ZFHX3: variants seen among roughly 807,000 people sequenced by gnomAD.
ZFHX3 encodes the protein zinc finger homeobox 3.
A neutral mutation model predicts 279.1 loss-of-function variants in ZFHX3; 42 were observed. The ratio of observed to expected loss-of-function variants is 0.15; its 90% CI spans 0.12 to 0.19. The LOEUF is 0.19. Among genes scored for constraint, ZFHX3 ranks in the 10% least tolerant of loss-of-function variants. The probability of loss-of-function intolerance (pLI) is 1.00; values close to 1 mark genes in which losing one functional copy is unlikely to be tolerated. For missense variants in ZFHX3, 4,981 were observed against 4,754.0 expected (o/e 1.05, Z -1.40); for synonymous variants, 2,293 against 1,957.8 (o/e 1.17, Z -4.52).
At chr16:73,415,139 TAAAATAA>T (rs775945496) in intron 3 of ZFHX3, among the ~76,000 whole-genome samples, 9 of 152,208 alleles carry the variant, frequency 5.9e-5, no homozygotes, top group Non-Finnish European at 1.0e-4. Context: ...TTTATTTTTT[TAAAATAA>T]TGACCGATGT....
At position 73,092,646 on chromosome 16, in the gene ZFHX3, G is replaced by A. The variant is rs1272497681; in HGVS notation, c.-533+589C>T. On this transcript the variant is annotated intron_variant, in intron 8 of 17. Coordinates refer to the ZFHX3 transcript ENST00000641206. Reference sequence around the variant, plus strand: ...TAGAATCAAGCCGAGCGCGAACGCCGTGTCTGGGGCTCCCACTCCCGGGAC... The same window carrying A: ...TAGAATCAAGCCGAGCGCGAACGCCATGTCTGGGGCTCCCACTCCCGGGAC... The A allele has an allele frequency of 6.2e-5, 16 of 258,744 alleles. No individual in the cohort carries two copies. In the Admixed American group the frequency reaches 6.6e-4, roughly 11 times the overall value. 16.0% of individuals were successfully genotyped at this position (258,744 alleles called of 1,614,324 possible). A position where few individuals can be genotyped will look rare whatever the true frequency, so the allele number is the denominator to read the frequency against.
intron 2 of ZFHX3, among the ~76,000 whole-genome samples, chr16:73,664,838 A>G (rs936126365): frequency 1.8e-4 from 27 of 152,366 alleles, no homozygotes; most frequent in African/African-American, 5.5e-4. Context: ...ATAAAGGACA[A>G]TAACTTTTCC....
intron 5 of ZFHX3, among the ~76,000 whole-genome samples, chr16:73,198,968 G>T (rs1968212026): frequency 6.6e-6 from 1 of 152,154 alleles, no homozygotes; most frequent in Non-Finnish European, 1.5e-5. Flanking sequence ...AAAAGAAAAA[G>T]AAATAAACAG....
Position 73,771,825 on chromosome 16 carries a change from G to T in ZFHX3, c.-1607-91585C>A, listed in dbSNP as rs549244903. 9.3e-5 allele frequency among the ~76,000 whole-genome samples: 14 copies of T among 151,120 alleles called. 1 individual carries two copies. In the East Asian group the frequency reaches 2.5e-3, roughly 27 times the overall value. On this transcript the variant is annotated intron_variant, in intron 1 of 17. Transcript: ENST00000641206. Reference sequence around the variant, plus strand: ...CGCTTCACTTTAGGCCATGGCTCCTGGTCCCTGCCATCCCGGAAGATGGTG... The same window carrying T: ...CGCTTCACTTTAGGCCATGGCTCCTTGTCCCTGCCATCCCGGAAGATGGTG...
intron 5 of ZFHX3, among the ~76,000 whole-genome samples, chr16:73,183,827 G>A (rs1967852120): frequency 6.6e-6 from 1 of 152,026 alleles, no homozygotes; most frequent in African/African-American, 2.4e-5. Context: ...CTGGGAAGGT[G>A]AGGTCGGCTC....
chr16:73,510,359 G>A (rs2019407918), intron 2 of ZFHX3, among the ~76,000 whole-genome samples: 1 of 151,954 alleles, frequency 6.6e-6, no homozygotes, highest in South Asian at 2.1e-4. Context: ...AGATAAAAGG[G>A]CTTAATATAT....
In ZFHX3 at chr16:72,786,540, T is replaced by C. The variant is rs772521469; in HGVS notation, c.*624A>G. 2.7e-5 allele frequency: 4 copies of C among 149,122 alleles called. No individual in the cohort carries two copies. Among genetic ancestry groups the C allele is most frequent in the Non-Finnish European group, 5.9e-5 (4 of 67,492 alleles). 9.2% of individuals were successfully genotyped at this position (149,122 alleles called of 1,614,324 possible). A position where few individuals can be genotyped will look rare whatever the true frequency, so the allele number is the denominator to read the frequency against. On this transcript the variant is annotated 3_prime_UTR_variant, in exon 10 of 10. Coordinates refer to ENST00000268489, the MANE Select transcript of ZFHX3 (RefSeq NM_006885.4). ...TTCACATTGTTTTTCTTGAATACTT[T>C]CTGCCCATTTTTAAGTTAACAAAAC...
chr16:72,989,253 A>G (rs7187317), intron 1 of ZFHX3, among the ~76,000 whole-genome samples: 78,966 of 151,600 alleles, frequency 0.52, 20,865 homozygotes, highest in East Asian at 0.6. Flanking sequence ...GGGAGGCCGA[A>G]GCGGGTGGAT....
chr16:73,165,428 A>T (rs1967339299), intron 5 of ZFHX3, among the ~76,000 whole-genome samples: 1 of 152,206 alleles, frequency 6.6e-6, no homozygotes, highest in Non-Finnish European at 1.5e-5. Flanking sequence ...AACCCCATCC[A>T]CACTCTGCCT....
intron 3 of ZFHX3, among the ~76,000 whole-genome samples, chr16:73,390,375 T>A (rs2143395654): frequency 6.6e-6 from 1 of 152,252 alleles, no homozygotes; most frequent in South Asian, 2.1e-4. Context: ...AGCAGAGGCT[T>A]GCTGCTGTCT....
chr16:73,195,048 T>C (rs1196267333), intron 5 of ZFHX3, among the ~76,000 whole-genome samples: 2 of 152,106 alleles, frequency 1.3e-5, no homozygotes, highest in African/African-American at 4.8e-5. Flanking sequence ...CCCACAAGAG[T>C]TTCATTTTCA....
At chr16:73,292,391 C>T (rs1168313869) in intron 4 of ZFHX3, among the ~76,000 whole-genome samples, 1 of 152,156 alleles carries the variant, frequency 6.6e-6, no homozygotes, top group East Asian at 1.9e-4. Flanking sequence ...AGGGTGATGG[C>T]CCATGGCAGC....
chr16:73,669,708 G>A (rs545692476), intron 2 of ZFHX3, among the ~76,000 whole-genome samples: 53 of 152,216 alleles, frequency 3.5e-4, no homozygotes, highest in Non-Finnish European at 6.9e-4. Flanking sequence ...GCTCTAGGAT[G>A]TACAGAAACT....
intron 4 of ZFHX3, among the ~76,000 whole-genome samples, chr16:73,285,293 G>C (rs1053998104): frequency 1.3e-5 from 2 of 152,184 alleles, no homozygotes; most frequent in Non-Finnish European, 2.9e-5. Flanking sequence ...ATAACAACTC[G>C]AAGAGATTAA....
At chr16:73,748,030 A>G (rs1255344641) in intron 1 of ZFHX3, among the ~76,000 whole-genome samples, 1 of 152,196 alleles carries the variant, frequency 6.6e-6, no homozygotes, top group Non-Finnish European at 1.5e-5. Flanking sequence ...AATACTTTCA[A>G]TAAAAGCAAA....
In ZFHX3 at chr16:72,951,886, T is replaced by C. The variant is rs550520866; in HGVS notation, c.2720-921A>G. On this transcript the variant is annotated intron_variant, in intron 2 of 9. Transcript: ENST00000268489. ...CAACTACGGAACTGAATTTTCAATG[T>C]TATTTAAATTTAGGAAGCTACATGG... Among the ~76,000 whole-genome samples, 4 of 152,308 alleles carry C rather than the reference T, an allele frequency of 2.6e-5. No individual in the cohort carries two copies. The East Asian group carries it at 5.8e-4, about 22-fold the overall frequency.
intron 2 of ZFHX3, among the ~76,000 whole-genome samples, chr16:73,558,782 G>A (rs1222682388): frequency 1.4e-5 from 2 of 142,750 alleles, no homozygotes; most frequent in South Asian, 2.2e-4. Flanking sequence ...GCACCATGTC[G>A]GCTCACTACA....
chr16:73,429,135 A>G (rs897219448), intron 3 of ZFHX3, among the ~76,000 whole-genome samples: 6 of 152,180 alleles, frequency 3.9e-5, no homozygotes, highest in East Asian at 3.9e-4. Context: ...GTCAATTTTT[A>G]TAGGCCATAT....
chr16:72,934,965 A>G (rs1960041034), intron 3 of ZFHX3, among the ~76,000 whole-genome samples: 1 of 152,236 alleles, frequency 6.6e-6, no homozygotes, highest in African/African-American at 2.4e-5. Flanking sequence ...CAGCATTTGT[A>G]AAACAAAACA....
Sources: allele counts gnomAD v4.1 joint callset (sites outside exome capture counted in the v4.1 genomes callset), GRCh38; gene constraint gnomAD v4.1.1; transcripts MANE v1.5; gene names NCBI Gene and HGNC (gene_info 2026-07-23, HGNC 2026-07-21).